CNTN5: variants seen among roughly 807,000 people sequenced by gnomAD.
CNTN5 encodes the protein contactin-5.
In CNTN5, 77 loss-of-function variants were observed where a neutral mutation model predicts 129.1. The ratio of observed to expected loss-of-function variants is 0.60; its 90% CI spans 0.50 to 0.72. CNTN5 has a LOEUF of 0.72. Ranked by LOEUF, CNTN5 falls within the 30% of genes least tolerant of loss-of-function variation. The pLI, the probability that CNTN5 is intolerant of heterozygous loss-of-function variation, is 0.00. For synonymous variants in CNTN5, 509 were observed against 465.6 expected, an observed-to-expected ratio of 1.09 and a Z score of -1.20; for missense variants, 1,478 against 1,328.8, an observed-to-expected ratio of 1.11 and a Z score of -1.75.
rs149573776 is a variant in CNTN5, at chr11:99,556,387, T to C, written c.55+118T>C. 9.4e-4 allele frequency: 535 copies of C among 568,110 alleles called. 2 individuals are homozygous for C. Among genetic ancestry groups the C allele is most frequent in the African/African-American group, 8.9e-3 (466 of 52,270 alleles). 35.2% of individuals were successfully genotyped at this position (568,110 alleles called of 1,614,324 possible). A position where few individuals can be genotyped will look rare whatever the true frequency, so the allele number is the denominator to read the frequency against. On this transcript the variant is annotated intron_variant, in intron 3 of 24. Coordinates refer to ENST00000524871, the MANE Select transcript of CNTN5 (RefSeq NM_014361.4). ...TAATTTAAATTTATATCAGTATTTA[T>C]ACTTTCCAACAAGAGAAAGGCAGCA...
At chr11:99,538,023 A>C (rs1947964578) in intron 2 of CNTN5, among the ~76,000 whole-genome samples, 1 of 152,222 alleles carries the variant, frequency 6.6e-6, no homozygotes, top group Non-Finnish European at 1.5e-5. Context: ...GTGGCTGCCT[A>C]GTACTGAGTA....
In CNTN5 at chr11:99,819,751, C is replaced by A. The variant is rs1233164529; in HGVS notation, c.263C>A (p.Ala88Asp). 3 of 1,575,954 alleles carry A rather than the reference C, an allele frequency of 1.9e-6. No individual in the cohort carries two copies. In the East Asian group the frequency reaches 6.9e-5, roughly 36 times the overall value. ...ATCAATCTTTATCATTCCTCAGATG[C>A]CTTCAAACAAGATGGTAAGTGTCAA... ...SPINLYHSSD[A>D]FKQDESVDYG... The change falls in exon 4 of 25, where the codon GCC (alanine) becomes GAC (aspartate). Residue 88 changes from alanine (A) to aspartate (D), a missense_variant. By Grantham distance (126) the Ala-to-Asp change is moderately radical. Transcript: ENST00000524871.
At chr11:99,681,098 A>C (rs1953530657) in intron 3 of CNTN5, among the ~76,000 whole-genome samples, 1 of 152,082 alleles carries the variant, frequency 6.6e-6, no homozygotes, top group Non-Finnish European at 1.5e-5. Flanking sequence ...CTCATGATAA[A>C]ACTTGAACGG....
chr11:99,703,227 G>GGTTTTTT (rs1954601764), intron 3 of CNTN5, among the ~76,000 whole-genome samples: 1 of 121,730 alleles, frequency 8.2e-6, no homozygotes, highest in African/African-American at 3.1e-5. Flanking sequence ...GGTATTTGGG[G>GGTTTTTT]TTTTTTTTTT....
chr11:99,091,315 G>A (rs1488983795), intron 1 of CNTN5, among the ~76,000 whole-genome samples: 2 of 152,134 alleles, frequency 1.3e-5, no homozygotes, highest in Non-Finnish European at 2.9e-5. Context: ...AGGTAGACCT[G>A]GATTTGATTA....
rs964203642 is a variant in CNTN5 at position 100,328,187 on chromosome 11, CCA to C, written c.2731-12275_2731-12274del. Among the ~76,000 whole-genome samples, 3 of 83,310 alleles carry C rather than the reference CCA, an allele frequency of 3.6e-5. No homozygotes were observed. The East Asian group carries it at 0.012, about 328-fold the overall frequency. The allele number at this position is 83,310 out of a possible 152,430, so 54.7% of individuals were successfully genotyped here. ...GCAACATAGCGAGACCATGTCGCTA[CCA>C]AAAAAAAAAATTAAAAATTAGCTGG... On this transcript the variant is annotated intron_variant, in intron 21 of 24. Coordinates refer to ENST00000524871, the MANE Select transcript of CNTN5 (RefSeq NM_014361.4).
chr11:99,316,997 G>A (rs1865370342), intron 1 of CNTN5, among the ~76,000 whole-genome samples: 1 of 152,118 alleles, frequency 6.6e-6, no homozygotes, highest in Non-Finnish European at 1.5e-5. Flanking sequence ...AAGCAAGGAA[G>A]ATCTTTTTCA....
In CNTN5 at chr11:100,333,426, A is replaced by C. The variant is rs950784379; in HGVS notation, c.2731-7037A>C. ...TGAATTAGAAAAAAAAAAAAAAAAA[A>C]AAAAAACACCTAAAATCCACATGGA... On this transcript the variant is annotated intron_variant, in intron 21 of 24. Coordinates refer to ENST00000524871, the MANE Select transcript of CNTN5 (RefSeq NM_014361.4). 9.8e-4 allele frequency among the ~76,000 whole-genome samples: 147 copies of C among 150,758 alleles called. 1 individual carries two copies. The highest frequency in any genetic ancestry group is 3.4e-3 in the African/African-American group (140 of 41,306).
chr11:99,084,092 C>T (rs1244987511), intron 1 of CNTN5, among the ~76,000 whole-genome samples: 1 of 152,084 alleles, frequency 6.6e-6, no homozygotes, highest in Non-Finnish European at 1.5e-5. Context: ...TTATCTTCTC[C>T]CCACCAACTA....
chr11:99,953,149 A>G (rs966663312), intron 7 of CNTN5, among the ~76,000 whole-genome samples: 2 of 152,146 alleles, frequency 1.3e-5, no homozygotes, highest in Non-Finnish European at 2.9e-5. Flanking sequence ...TTCATTCCCC[A>G]TTCTCACACT....
chr11:99,066,161 T>C (rs1865094237), intron 1 of CNTN5, among the ~76,000 whole-genome samples: 2 of 152,202 alleles, frequency 1.3e-5, no homozygotes, highest in African/African-American at 4.8e-5. Context: ...TGGAGTTCAA[T>C]AGCACAATCT....
intron 7 of CNTN5, among the ~76,000 whole-genome samples, chr11:99,917,062 G>T (rs144882307): frequency 9.2e-5 from 14 of 152,082 alleles, no homozygotes; most frequent in Admixed American, 3.3e-4. Context: ...TAACAAAATG[G>T]CCTACATTGA....
At chr11:99,273,377 C>T (rs950392624) in intron 1 of CNTN5, among the ~76,000 whole-genome samples, 3 of 151,790 alleles carry the variant, frequency 2.0e-5, no homozygotes, top group Non-Finnish European at 4.4e-5. Flanking sequence ...AAATGTCGTT[C>T]AATACTAGGT....
intron 9 of CNTN5, among the ~76,000 whole-genome samples, chr11:100,023,343 A>T (rs1338698179): frequency 6.6e-6 from 1 of 152,168 alleles, no homozygotes; most frequent in Non-Finnish European, 1.5e-5. Context: ...TTTTTTTAAA[A>T]AGAACTTTAT....
intron 1 of CNTN5, among the ~76,000 whole-genome samples, chr11:99,055,156 T>C (rs1028863494): frequency 6.6e-6 from 1 of 151,966 alleles, no homozygotes; most frequent in Non-Finnish European, 1.5e-5. Flanking sequence ...TGATAAAACA[T>C]AGTTTTAGTC....
chr11:99,083,221 G>A (rs1039550002), intron 1 of CNTN5, among the ~76,000 whole-genome samples: 11 of 151,904 alleles, frequency 7.2e-5, no homozygotes, highest in Non-Finnish European at 1.3e-4. Flanking sequence ...AGTTAAATTT[G>A]GATATTCTTC....
chr11:100,110,059 G>T (rs1163277365), intron 13 of CNTN5, among the ~76,000 whole-genome samples: 1 of 151,742 alleles, frequency 6.6e-6, no homozygotes, highest in Non-Finnish European at 1.5e-5. Context: ...TGTTGCTGTA[G>T]TCCCATAGTC....
chr11:100,086,632 T>C (rs1307575204), intron 13 of CNTN5, among the ~76,000 whole-genome samples: 1 of 151,324 alleles, frequency 6.6e-6, no homozygotes, highest in African/African-American at 2.4e-5. Context: ...CAGAAATTAC[T>C]GTAAATACCG....
At chr11:99,938,942 G>C (rs1017061616) in intron 7 of CNTN5, among the ~76,000 whole-genome samples, 1 of 151,998 alleles carries the variant, frequency 6.6e-6, no homozygotes, top group Non-Finnish European at 1.5e-5. Context: ...ATTAGTATTT[G>C]TATGATTTGA....
Sources: gnomAD v4.1 joint callset for allele counts (sites outside exome capture counted in the v4.1 genomes callset) on GRCh38, gnomAD v4.1.1 for gene constraint, MANE v1.5 for transcripts, NCBI Gene and HGNC (gene_info 2026-07-23, HGNC 2026-07-21) for gene names.